The following FSTL5 variants were observed in gnomAD, a reference collection of about 807,000 sequenced individuals.
The protein encoded by FSTL5 is follistatin-related protein 5.
FSTL5 carries 62 observed loss-of-function variants against 89.1 expected under a neutral mutation model. The observed-to-expected ratio is 0.70, with a 90% CI of 0.57 to 0.86. FSTL5 has a LOEUF of 0.86. FSTL5 is among the 40% of genes least tolerant of loss of function. The probability of loss-of-function intolerance (pLI) is 0.00; values close to 1 mark genes in which losing one functional copy is unlikely to be tolerated. For missense variants in FSTL5, 1,057 were observed against 1,001.6 expected (o/e 1.06, Z -0.75); for synonymous variants, 383 against 346.2 (o/e 1.11, Z -1.18).
At chr4:161,670,146 T>A (rs1486931915) in intron 6 of FSTL5, among the ~76,000 whole-genome samples, 2 of 152,210 alleles carry the variant, frequency 1.3e-5, no homozygotes, top group African/African-American at 4.8e-5. Flanking sequence ...TATTTTCACT[T>A]ACTAACGAAA....
chr4:161,726,006 A>T (rs1052186646), intron 6 of FSTL5, among the ~76,000 whole-genome samples: 1 of 152,136 alleles, frequency 6.6e-6, no homozygotes, highest in South Asian at 2.1e-4. Flanking sequence ...CTAAAGAAAG[A>T]GGAACGCTAA....
At chr4:161,918,531 A>C (rs1417018598) in intron 4 of FSTL5, among the ~76,000 whole-genome samples, 1 of 152,210 alleles carries the variant, frequency 6.6e-6, no homozygotes, top group African/African-American at 2.4e-5. Flanking sequence ...TAATAAAATC[A>C]ATCTATTGTT....
chr4:161,661,354 T>C (rs996654056), intron 6 of FSTL5, among the ~76,000 whole-genome samples: 10 of 152,164 alleles, frequency 6.6e-5, no homozygotes, highest in African/African-American at 2.2e-4. Context: ...ATTTCCATTA[T>C]AGGAATGAAG....
chr4:161,613,385 G>T (rs1734720417), intron 7 of FSTL5, among the ~76,000 whole-genome samples: 1 of 151,948 alleles, frequency 6.6e-6, no homozygotes, highest in Admixed American at 6.6e-5. Flanking sequence ...AGGAGGCGGA[G>T]GTTGCAGGGA....
chr4:161,499,014 C>T (rs1036442891), intron 12 of FSTL5, among the ~76,000 whole-genome samples: 1 of 152,040 alleles, frequency 6.6e-6, no homozygotes, highest in Non-Finnish European at 1.5e-5. Context: ...GCCTGGCCAA[C>T]ATGGTGAAAC....
At chr4:161,977,639 A>AAAAAATAATAATAAT (rs1553988132) in intron 3 of FSTL5, among the ~76,000 whole-genome samples, 2 of 101,240 alleles carry the variant, frequency 2.0e-5, no homozygotes, top group African/African-American at 8.2e-5. Flanking sequence ...AAAAAAAAAA[A>AAAAAATAATAATAAT]AATAATAATA....
intron 4 of FSTL5, among the ~76,000 whole-genome samples, chr4:161,874,266 A>C (rs548088087): frequency 6.8e-4 from 104 of 152,134 alleles, no homozygotes; most frequent in Non-Finnish European, 1.1e-3. Context: ...AGGCTTTTTT[A>C]AAATTAGGTT....
intron 4 of FSTL5, among the ~76,000 whole-genome samples, chr4:161,838,046 A>C (rs1731099893): frequency 6.6e-6 from 1 of 152,160 alleles, no homozygotes; most frequent in Non-Finnish European, 1.5e-5. Flanking sequence ...TATTTTGACA[A>C]GTAAAAGTGG....
intron 4 of FSTL5, among the ~76,000 whole-genome samples, chr4:161,854,437 G>T (rs1731656882): frequency 6.6e-6 from 1 of 152,134 alleles, no homozygotes; most frequent in African/African-American, 2.4e-5. Context: ...AATGCCCCTT[G>T]ATAGAGGTTT....
At chr4:161,411,424 T>C (rs1190188687) in intron 15 of FSTL5, among the ~76,000 whole-genome samples, 1 of 149,670 alleles carries the variant, frequency 6.7e-6, no homozygotes, top group Non-Finnish European at 1.5e-5. Context: ...TGAACATAGA[T>C]GCAAAAATCC....
intron 7 of FSTL5, among the ~76,000 whole-genome samples, chr4:161,614,392 T>C (rs1394628184): frequency 2.0e-5 from 3 of 152,142 alleles, no homozygotes; most frequent in Admixed American, 2.0e-4. Context: ...TCATTTTAAA[T>C]AAATAAATTG....
intron 3 of FSTL5, among the ~76,000 whole-genome samples, chr4:162,018,649 T>G (rs1736986498): frequency 5.4e-4 from 1 of 1,858 alleles, no homozygotes. Flanking sequence ...TACATTTCTT[T>G]AATTAAAAAA....
At chr4:161,740,231 C>G (rs1739968117) in intron 6 of FSTL5, among the ~76,000 whole-genome samples, 1 of 151,816 alleles carries the variant, frequency 6.6e-6, no homozygotes, top group South Asian at 2.1e-4. Context: ...TGTTGGCCAA[C>G]CTGGTCTTGA....
chr4:161,900,110 C>T (rs1220707909), intron 4 of FSTL5, among the ~76,000 whole-genome samples: 1 of 152,088 alleles, frequency 6.6e-6, no homozygotes, highest in Non-Finnish European at 1.5e-5. Context: ...AGAAGAATGA[C>T]TTGAACCTGG....
chr4:161,611,161 T>C (rs1734624161), intron 7 of FSTL5, among the ~76,000 whole-genome samples: 1 of 147,676 alleles, frequency 6.8e-6, no homozygotes, highest in African/African-American at 2.5e-5. Context: ...TGTGTGTGTA[T>C]ATATATATGT....
intron 3 of FSTL5, among the ~76,000 whole-genome samples, chr4:161,930,920 G>C (rs1383029848): frequency 6.6e-6 from 1 of 151,784 alleles, no homozygotes; most frequent in African/African-American, 2.4e-5. Context: ...GCCTGAATTA[G>C]ACAAAGGCGA....
At chr4:161,919,623 C>T (rs1472980277) in intron 4 of FSTL5, among the ~76,000 whole-genome samples, 2 of 151,966 alleles carry the variant, frequency 1.3e-5, no homozygotes, top group African/African-American at 2.4e-5. Flanking sequence ...GGTTAGAAGT[C>T]AGATTAATTA....
chr4:161,447,728 A>G (rs1732994614), intron 15 of FSTL5, among the ~76,000 whole-genome samples: 1 of 152,146 alleles, frequency 6.6e-6, no homozygotes, highest in Non-Finnish European at 1.5e-5. Flanking sequence ...CTTGACAGTT[A>G]TAGTGTGTTT....
intron 6 of FSTL5, among the ~76,000 whole-genome samples, chr4:161,741,681 ATTTTTTTT>A (rs367947098): frequency 4.8e-5 from 5 of 104,668 alleles, no homozygotes; most frequent in African/African-American, 1.6e-4. Context: ...GAGAAGTATG[ATTTTTTTT>A]TTTTTTTTTT....
Sources: allele counts gnomAD v4.1 joint callset (sites outside exome capture counted in the v4.1 genomes callset), GRCh38; gene constraint gnomAD v4.1.1; transcripts MANE v1.5; gene names NCBI Gene and HGNC (gene_info 2026-07-23, HGNC 2026-07-21).